The following BCOR variants were observed in gnomAD, a reference collection of about 807,000 sequenced individuals.
BCOR encodes the protein BCL6 corepressor.
BCOR carries 10 observed loss-of-function variants against 86.7 expected under a neutral mutation model. The observed-to-expected ratio is 0.12, with a 90% confidence interval of 0.07 to 0.20. The LOEUF is 0.20. BCOR is among the 10% of genes least tolerant of loss of function. The pLI is 1.00. For synonymous variants in BCOR, 611 were observed against 609.0 expected (o/e 1.00, Z -0.05); for missense variants, 1,259 against 1,452.1 (o/e 0.87, Z 2.16).
intron 1 of BCOR, among the ~76,000 whole-genome samples, chrX:40,169,662 C>T (rs772646686): frequency 9.0e-6 from 1 of 111,472 alleles, no homozygotes; most frequent in Non-Finnish European, 1.9e-5. Context: ...GACAATCCCC[C>T]CCCTACTGGT....
intron 1 of BCOR, among the ~76,000 whole-genome samples, chrX:40,141,207 C>T (rs1019986446): frequency 1.8e-5 from 2 of 112,691 alleles, no homozygotes; most frequent in Non-Finnish European, 3.8e-5. Flanking sequence ...GAAGAGGGCA[C>T]GCTGCCAGCT....
intron 1 of BCOR, among the ~76,000 whole-genome samples, chrX:40,126,145 G>A (rs1218528402): frequency 9.2e-6 from 1 of 108,628 alleles, no homozygotes; most frequent in Admixed American, 9.8e-5. Flanking sequence ...GAACCTGGGA[G>A]GCGGAGGTTG....
intron 1 of BCOR, 111 bp from the exon 2 acceptor site, chrX:40,078,080 G>A: frequency 1.9e-6 from 1 of 515,878 alleles, no homozygotes; most frequent in East Asian, 3.6e-5. Flanking sequence ...GATGGGGAAG[G>A]CAGGCTGTGC....
Position 40,070,981 on chromosome X carries a change from C to T in BCOR, c.3230G>A (p.Ser1077Asn), listed in dbSNP as rs1190730961. 3.3e-6 allele frequency: 4 copies of T among 1,209,443 alleles called. No homozygotes were observed. In the African/African-American group the frequency reaches 7.0e-5, roughly 21 times the overall value. The change falls in exon 6 of 15, where the codon AGT becomes AAT. Residue 1077 changes from serine to asparagine, a missense_variant. Transcript: ENST00000378444. ...LEEAIAEQNE[S>N]ERCEYSVGNK... ...TGCTCAGGTTTACTTACATCTCTCA[C>T]TTTCGTTCTGTTCTGCAATGGCCTC...
chrX:40,104,370 A>T (rs1289913974), intron 1 of BCOR, among the ~76,000 whole-genome samples: 1 of 112,067 alleles, frequency 8.9e-6, no homozygotes, highest in Non-Finnish European at 1.9e-5. Flanking sequence ...CTAGAACCCG[A>T]AAGCTCCCAG....
chrX:40,081,075 G>A (rs1020519025), intron 1 of BCOR, among the ~76,000 whole-genome samples: 1 of 111,388 alleles, frequency 9.0e-6, no homozygotes, highest in African/African-American at 3.3e-5. Flanking sequence ...AACAAACAGC[G>A]GCGCCACTGC....
At chrX:40,093,127 T>C (rs1351629974) in intron 1 of BCOR, among the ~76,000 whole-genome samples, 1 of 112,643 alleles carries the variant, frequency 8.9e-6, no homozygotes, top group Non-Finnish European at 1.9e-5. Flanking sequence ...AGAATATCGC[T>C]ATACATCTCT....
At chrX:40,139,469 ATATATATATATATATATATATATATATAT>A (rs1937834289) in intron 1 of BCOR, among the ~76,000 whole-genome samples, 1 of 7,500 alleles carries the variant, frequency 1.3e-4, no homozygotes, top group Non-Finnish European at 1.7e-4. Context: ...ATATATATAT[ATATATATATATATATATATATATATATAT>A]TTTTTTTTTT....
chrX:40,122,782 A>G (rs1937506108), intron 1 of BCOR, among the ~76,000 whole-genome samples: 1 of 110,749 alleles, frequency 9.0e-6, no homozygotes, highest in Non-Finnish European at 1.9e-5. Flanking sequence ...TGGGGCTTAG[A>G]TCTCTCCCCG....
intron 6 of BCOR, among the ~76,000 whole-genome samples, chrX:40,065,312 C>CA (rs1163212098): frequency 8.9e-6 from 1 of 112,484 alleles, no homozygotes; most frequent in Non-Finnish European, 1.9e-5. Flanking sequence ...GAGAAAACTT[C>CA]AAAAAACTCG....
At chrX:40,055,279 T>C in intron 12 of BCOR, 89 bp downstream of exon 12, 3 of 951,565 alleles carry the variant, frequency 3.2e-6, no homozygotes, top group Non-Finnish European at 4.5e-6. Context: ...TCAGCCTTTG[T>C]GATTTCTGCC....
In BCOR at chrX:40,062,979, C is replaced by T. The variant is rs1328449058; in HGVS notation, c.3940G>A (p.Ala1314Thr). 4.2e-6 allele frequency: 5 copies of T among 1,184,774 alleles called. No homozygotes were observed. The highest frequency in any genetic ancestry group is 3.4e-6 in the Non-Finnish European group (3 of 881,382). ...KKQAQPSCAPASRPPAKQQKI... is the reference protein window; with the variant it reads ...KKQAQPSCAPTSRPPAKQQKI... The stretch of plus-strand genomic sequence containing the variant: ...TGCTGTTTGGCAGGCGGCCTGGAGG[C>T]TGGTGCGCAGCTTGGCTGAGCCTGC... The change falls in exon 9 of 15, where the codon GCC becomes ACC. Residue 1314 changes from alanine (A) to threonine (T), a missense_variant. Around this residue, in one of 7 missense-constraint regions of BCOR, gnomAD observed 305 missense variants for 286.1 expected, o/e 1.07. Transcript: ENST00000378444.
At chrX:40,112,319 C>G in intron 1 of BCOR, among the ~76,000 whole-genome samples, 1 of 111,058 alleles carries the variant, frequency 9.0e-6, no homozygotes, top group Non-Finnish European at 1.9e-5. Flanking sequence ...GTTCCAAATC[C>G]CCATATCAAA....
chrX:40,118,408 G>A (rs1330299658), intron 1 of BCOR, among the ~76,000 whole-genome samples: 3 of 109,168 alleles, frequency 2.7e-5, no homozygotes, highest in Admixed American at 9.7e-5. Flanking sequence ...GATTACAGGC[G>A]CCCACCGCCG....
intron 1 of BCOR, among the ~76,000 whole-genome samples, chrX:40,129,311 C>T (rs1937578564): frequency 9.0e-6 from 1 of 110,811 alleles, no homozygotes; most frequent in African/African-American, 3.3e-5. Flanking sequence ...TGGTGAAACC[C>T]CGTCTCTACT....
rs146423227 is a variant in BCOR, at chrX:40,074,104, C to A, written c.1242G>T (p.Ala414=). The A allele has an allele frequency of 4.9e-6, 6 of 1,212,226 alleles. No homozygotes were observed. The highest frequency in any genetic ancestry group is 6.7e-6 in the Non-Finnish European group (6 of 895,584). The stretch of plus-strand genomic sequence containing the variant: ...AGCTGCCATCTTTTCTGTCTTGAAC[C>A]GCTGTCTTCCGGGCATGCCCGGGCA... ...QPVPGHARKT[A]VQDRKDGSSP... The change falls in exon 4 of 15, where the codon GCG becomes GCT. Residue 414 remains alanine, a synonymous_variant. Transcript: ENST00000378444.
rs1321310671 is a variant in BCOR, at chrX:40,062,358, G to C, written c.4209C>G (p.Pro1403=). ...CTGGTGACAGATCATAGTCCGAACT[G>C]GGCTCCGGCCGCTTTCTGAATCTCC... is the stretch of plus-strand genomic sequence containing the variant. ...TVRRFRKRPE[P]SSDYDLSPAK... Residue 1403 remains proline, a synonymous_variant, in exon 10 of 15, where the codon CCC becomes CCG. Coordinates refer to ENST00000378444, the MANE Select transcript of BCOR (RefSeq NM_001123385.2). The C allele has an allele frequency of 8.3e-7, 1 of 1,206,500 alleles. No homozygotes were observed. Among genetic ancestry groups the C allele is most frequent in the Admixed American group, 2.2e-5 (1 of 45,532 alleles).
rs1188879097 is a variant in BCOR at position 40,106,825 on chromosome X, G to GGAAA, written c.-40-28860_-40-28857dup. Among the ~76,000 whole-genome samples the GGAAA allele has an allele frequency of 2.7e-5, 3 of 110,983 alleles. No homozygotes were observed. In the Admixed American group the frequency reaches 2.8e-4, roughly 10 times the overall value. ...TGGCAGTAGCCGGCCAGAGCGTGGT[G>GGAAA]GAAACTTCTCTCGCTGGGTTCTCCG... On this transcript the variant is annotated intron_variant, in intron 1 of 14. Transcript: ENST00000342274.
chrX:40,168,620 A>G (rs1364518729), intron 1 of BCOR, among the ~76,000 whole-genome samples: 2 of 112,027 alleles, frequency 1.8e-5, no homozygotes, highest in Admixed American at 1.9e-4. Context: ...CACCTCCACA[A>G]GGCACGGAGG....
Sources: allele counts gnomAD v4.1 joint callset (sites outside exome capture counted in the v4.1 genomes callset), GRCh38; gene constraint gnomAD v4.1.1; regional missense constraint gnomAD v4.1.1; transcripts MANE v1.5; gene names NCBI Gene and HGNC (gene_info 2026-07-23, HGNC 2026-07-21).